The following HTR7 variants were observed in gnomAD, a reference collection of about 807,000 sequenced individuals.
HTR7 encodes 5-hydroxytryptamine receptor 7, also known as 5-HT-7.
HTR7 carries 16 observed loss-of-function variants against 34.0 expected under a neutral mutation model. The observed-to-expected ratio is 0.47, with a 90% CI of 0.32 to 0.71. The LOEUF (loss-of-function observed/expected upper bound fraction) is 0.71. Among genes scored for constraint, HTR7 ranks in the 30% least tolerant of loss-of-function variants. The pLI, the probability that HTR7 is intolerant of heterozygous loss-of-function variation, is 0.04. For missense variants in HTR7, 504 were observed against 625.5 expected (o/e 0.81, Z 2.07); for synonymous variants, 265 against 260.2 (o/e 1.02, Z -0.18).
In HTR7 at chr10:90,749,407, A is replaced by C. The variant is rs1225769077; in HGVS notation, c.727T>G (p.Ser243Ala). 6.2e-7 allele frequency: 1 copy of C among 1,614,170 alleles called. No individual in the cohort carries two copies. The highest frequency in any genetic ancestry group is 1.1e-5 in the South Asian group (1 of 91,074). ...GGGATATAAAATGCCACTGCGGTAG[A>C]GTAAATCGTATAGCCAAAGTCCTGG... is the stretch of plus-strand genomic sequence containing the variant. ...ISQDFGYTIY[S>A]TAVAFYIPMS... The change falls in exon 2 of 4, where the codon TCT (serine) becomes GCT (alanine). Residue 243 changes from serine to alanine, a missense_variant. Transcript: ENST00000336152. The surrounding 1 kb of genome is among the most constrained non-coding windows in gnomAD (Gnocchi z 4.2).
At chr10:90,772,869 G>A (rs1468508178) in intron 1 of HTR7, among the ~76,000 whole-genome samples, 2 of 152,074 alleles carry the variant, frequency 1.3e-5, no homozygotes, top group Admixed American at 1.3e-4. Context: ...CAACCCTCTA[G>A]ATATTATTAT....
intron 1 of HTR7, among the ~76,000 whole-genome samples, chr10:90,830,195 T>C (rs1481650961): frequency 6.6e-6 from 1 of 152,232 alleles, no homozygotes; most frequent in Non-Finnish European, 1.5e-5. Flanking sequence ...ACCAATAAAC[T>C]GTAACAACAG....
intron 2 of HTR7, among the ~76,000 whole-genome samples, chr10:90,746,141 A>AT (rs2119665557): frequency 6.6e-6 from 1 of 152,202 alleles, no homozygotes; most frequent in East Asian, 1.9e-4. Context: ...TTGTTTTGTT[A>AT]TTTTCAGAAT....
At chr10:90,752,106 C>G (rs1844748011) in intron 1 of HTR7, among the ~76,000 whole-genome samples, 1 of 152,100 alleles carries the variant, frequency 6.6e-6, no homozygotes, top group African/African-American at 2.4e-5. Flanking sequence ...TTCAAGACAT[C>G]CTACAATAAG....
intron 1 of HTR7, among the ~76,000 whole-genome samples, chr10:90,828,297 TAAA>T (rs1846111836): frequency 6.6e-6 from 1 of 151,992 alleles, no homozygotes; most frequent in South Asian, 2.1e-4. Flanking sequence ...CAATACATCT[TAAA>T]GAACTGGAAA....
intron 1 of HTR7, among the ~76,000 whole-genome samples, chr10:90,764,777 C>T (rs185849710): frequency 7.2e-5 from 11 of 152,232 alleles, no homozygotes; most frequent in Non-Finnish European, 1.3e-4. Context: ...CAGCTTTACA[C>T]CACTGAGTAT....
intron 1 of HTR7, among the ~76,000 whole-genome samples, chr10:90,750,530 A>G (rs1433943355): frequency 3.4e-4 from 51 of 152,160 alleles, no homozygotes; most frequent in Non-Finnish European, 1.3e-4. Flanking sequence ...TCTTTTTTGG[A>G]AAGCTAGGAG....
At chr10:90,809,969 G>A (rs993617999) in intron 1 of HTR7, among the ~76,000 whole-genome samples, 1 of 152,144 alleles carries the variant, frequency 6.6e-6, no homozygotes, top group South Asian at 2.1e-4. Context: ...CTTCACAGTG[G>A]AAGGTAAGTC....
chr10:90,768,858 G>A (rs1381830831), intron 1 of HTR7, among the ~76,000 whole-genome samples: 1 of 152,140 alleles, frequency 6.6e-6, no homozygotes. Flanking sequence ...CTTCTTCCTC[G>A]GTAATGTGAA....
chr10:90,826,472 G>T (rs11498662), intron 1 of HTR7, among the ~76,000 whole-genome samples: 24,860 of 152,020 alleles, frequency 0.16, 2,029 homozygotes, highest in African/African-American at 0.18. Context: ...TGTAATTGTG[G>T]TATGTTAACT....
intron 1 of HTR7, among the ~76,000 whole-genome samples, chr10:90,810,884 C>T (rs866674312): frequency 6.6e-6 from 1 of 152,196 alleles, no homozygotes; most frequent in Non-Finnish European, 1.5e-5. Flanking sequence ...AACACATGTG[C>T]TCTCTCTGCC....
At chr10:90,788,307 G>C (rs1845412418) in intron 1 of HTR7, among the ~76,000 whole-genome samples, 1 of 152,226 alleles carries the variant, frequency 6.6e-6, no homozygotes, top group South Asian at 2.1e-4. Context: ...GCCCAAAATA[G>C]ATCCAGCTTT....
chr10:90,787,208 C>T (rs1379949704), intron 1 of HTR7, among the ~76,000 whole-genome samples: 1 of 152,048 alleles, frequency 6.6e-6, no homozygotes, highest in African/African-American at 2.4e-5. Flanking sequence ...TAAGACAAAC[C>T]GCTGGGCACA....
chr10:90,841,130 T>C (rs891812197), intron 1 of HTR7, among the ~76,000 whole-genome samples: 1 of 152,214 alleles, frequency 6.6e-6, no homozygotes, highest in Non-Finnish European at 1.5e-5. Flanking sequence ...GGCATATTTG[T>C]CAACCTCTCG....
At chr10:90,848,704 T>C (rs1402852769) in intron 1 of HTR7, among the ~76,000 whole-genome samples, 1 of 152,252 alleles carries the variant, frequency 6.6e-6, no homozygotes, top group Admixed American at 6.5e-5. Context: ...TTAAAATATG[T>C]TTCAAAATTT....
chr10:90,777,480 C>CAA (rs1187256524), intron 1 of HTR7, among the ~76,000 whole-genome samples: 1,038 of 50,502 alleles, frequency 0.021, 12 homozygotes, highest in African/African-American at 0.057. Context: ...GACTCCGTCT[C>CAA]AAAAAAAAAA....
At chr10:90,814,109 T>C (rs1845860415) in intron 1 of HTR7, among the ~76,000 whole-genome samples, 1 of 152,208 alleles carries the variant, frequency 6.6e-6, no homozygotes, top group African/African-American at 2.4e-5. Context: ...TGGCATGAGA[T>C]GACAAACCTC....
At chr10:90,801,966 T>A (rs1214818283) in intron 1 of HTR7, among the ~76,000 whole-genome samples, 1 of 152,206 alleles carries the variant, frequency 6.6e-6, no homozygotes, top group African/African-American at 2.4e-5. Flanking sequence ...AGAAATAGCC[T>A]TTTTTGTTGC....
chr10:90,811,612 C>T (rs1404121290), intron 1 of HTR7, among the ~76,000 whole-genome samples: 2 of 152,080 alleles, frequency 1.3e-5, no homozygotes, highest in African/African-American at 4.8e-5. Flanking sequence ...AATCTATCCT[C>T]GAGGAAATAA....
Sources: allele counts gnomAD v4.1 joint callset (sites outside exome capture counted in the v4.1 genomes callset), GRCh38; gene constraint gnomAD v4.1.1; non-coding constraint Gnocchi (gnomAD v3.1); transcripts MANE v1.5; gene names NCBI Gene and HGNC (gene_info 2026-07-23, HGNC 2026-07-21).